The following SLC9D1 variants were observed in gnomAD, a reference collection of about 807,000 sequenced individuals.
SLC9D1 encodes solute carrier family 9 member D1, also known as putative LAG1-interacting protein.
chr13:113,511,986 G>A, the SLC9D1 span: 96 of 149,784 alleles, frequency 6.4e-4, no homozygotes, highest in African/African-American at 2.3e-3. Context: ...TAGATGGAGA[G>A]GGTCAGTATA....
chr13:113,534,107 C>A, the SLC9D1 span: 1 of 1,612,834 alleles, frequency 6.2e-7, no homozygotes, highest in South Asian at 1.1e-5. Context: ...TCACTAGCGG[C>A]GGTTTTTCTT....
At chr13:113,491,133 A>G in the SLC9D1 span, 10,187 of 152,620 alleles carry the variant, frequency 0.067, 389 homozygotes, top group Non-Finnish European at 0.078. Flanking sequence ...AAGGGATGCA[A>G]GGAAGCCCTC....
the SLC9D1 span, among the ~76,000 whole-genome samples, chr13:113,532,823 C>CTCCTTCACA: frequency 7.5e-6 from 1 of 132,510 alleles, no homozygotes; most frequent in Middle Eastern, 4.3e-3. Flanking sequence ...CTCTGAAGGA[C>CTCCTTCACA]GCTGCCTCCC....
At chr13:113,515,280 G>A in the SLC9D1 span, among the ~76,000 whole-genome samples, 1 of 152,230 alleles carries the variant, frequency 6.6e-6, no homozygotes, top group Non-Finnish European at 1.5e-5. Flanking sequence ...ACATTGGAAT[G>A]CTGCAGAAGC....
the SLC9D1 span, chr13:113,504,805 T>C: frequency 6.6e-6 from 1 of 152,238 alleles, no homozygotes; most frequent in Admixed American, 6.5e-5. Context: ...CTCTTTTTCG[T>C]ATAATGACTT....
the SLC9D1 span, among the ~76,000 whole-genome samples, chr13:113,523,099 T>G: frequency 6.7e-6 from 1 of 149,418 alleles, no homozygotes; most frequent in Admixed American, 6.8e-5. Context: ...TCATGAGAGA[T>G]ATTGGTGTGT....
chr13:113,509,785 G>A, the SLC9D1 span, among the ~76,000 whole-genome samples: 1 of 152,080 alleles, frequency 6.6e-6, no homozygotes, highest in Non-Finnish European at 1.5e-5. Context: ...CCACCTTCCC[G>A]TCTGGTTTAA....
the SLC9D1 span, chr13:113,539,343 C>A: frequency 6.2e-7 from 1 of 1,610,294 alleles, no homozygotes; most frequent in Non-Finnish European, 8.5e-7. The surrounding 1 kb of genome is among the most constrained non-coding windows in gnomAD (Gnocchi z 4.8). Flanking sequence ...AAAGCTGCGT[C>A]CTGCCTCTCT....
the SLC9D1 span, among the ~76,000 whole-genome samples, chr13:113,511,153 GCT>G: frequency 5.9e-5 from 9 of 151,472 alleles, no homozygotes; most frequent in African/African-American, 1.2e-4. Flanking sequence ...GTGCGGGGAG[GCT>G]TGGCAGGTGG....
chr13:113,498,663 A>C, the SLC9D1 span: 2 of 650,454 alleles, frequency 3.1e-6, no homozygotes, highest in Non-Finnish European at 4.9e-6. Flanking sequence ...TCGTAGAGAA[A>C]ATAATTTGGT....
the SLC9D1 span, chr13:113,534,335 T>C: frequency 9.6e-7 from 1 of 1,044,666 alleles, no homozygotes; most frequent in Non-Finnish European, 1.4e-6. Context: ...ATTTTAATAA[T>C]GGTTAAAATA....
the SLC9D1 span, among the ~76,000 whole-genome samples, chr13:113,513,430 A>G: frequency 6.6e-6 from 1 of 152,162 alleles, no homozygotes; most frequent in Non-Finnish European, 1.5e-5. Context: ...GTCAGTTATG[A>G]CTGTTAGAAA....
the SLC9D1 span, among the ~76,000 whole-genome samples, chr13:113,501,187 T>G: frequency 1.3e-5 from 2 of 152,212 alleles, no homozygotes; most frequent in African/African-American, 4.8e-5. Flanking sequence ...AACACTCTTA[T>G]GGGGCTTAAG....
the SLC9D1 span, chr13:113,534,279 C>A: frequency 7.4e-6 from 11 of 1,477,210 alleles, no homozygotes; most frequent in Admixed American, 1.7e-5. Flanking sequence ...TAATCTGATA[C>A]ATAATCTCTT....
At chr13:113,518,208 C>T in the SLC9D1 span, among the ~76,000 whole-genome samples, 3 of 152,114 alleles carry the variant, frequency 2.0e-5, no homozygotes, top group Non-Finnish European at 4.4e-5. Flanking sequence ...TGTCTGGTTG[C>T]ACTGCTGAAG....
the SLC9D1 span, chr13:113,512,079 T>C: frequency 7.6e-6 from 1 of 131,778 alleles, no homozygotes; most frequent in East Asian, 2.2e-4. Flanking sequence ...ATATATATAC[T>C]TGGAGTCTCA....
At chr13:113,521,812 CT>C in the SLC9D1 span, among the ~76,000 whole-genome samples, 2 of 152,092 alleles carry the variant, frequency 1.3e-5, no homozygotes, top group Non-Finnish European at 2.9e-5. Context: ...CTAGGGTGCC[CT>C]ATGAAACTTA....
the SLC9D1 span, chr13:113,500,065 G>A: frequency 3.1e-6 from 5 of 1,598,340 alleles, no homozygotes; most frequent in African/African-American, 1.3e-5. Flanking sequence ...GTCTTAGCAT[G>A]CTGATTGACT....
chr13:113,549,650 C>T, the SLC9D1 span: 2 of 1,261,266 alleles, frequency 1.6e-6, no homozygotes, highest in East Asian at 4.6e-5. Flanking sequence ...GAACAGCCCT[C>T]TAGCAGAGCG....
Sources: allele counts gnomAD v4.1 joint callset (sites outside exome capture counted in the v4.1 genomes callset), GRCh38; gene constraint gnomAD v4.1.1; non-coding constraint Gnocchi (gnomAD v3.1); transcripts MANE v1.5; gene names NCBI Gene and HGNC (gene_info 2026-07-23, HGNC 2026-07-21).